The following ANGPT1 variants were observed in gnomAD, a reference collection of about 807,000 sequenced individuals.
ANGPT1 encodes angiopoietin-1.
ANGPT1 carries 17 observed loss-of-function variants against 62.2 expected under a neutral mutation model. The ratio of observed to expected loss-of-function variants is 0.27; its 90% CI spans 0.19 to 0.41. ANGPT1 has a LOEUF of 0.41. ANGPT1 is among the 10% of genes least tolerant of loss of function. The probability of loss-of-function intolerance (pLI) is 1.00; values close to 1 mark genes in which losing one functional copy is unlikely to be tolerated. For missense variants in ANGPT1, 478 were observed against 594.9 expected, an observed-to-expected ratio of 0.80 and a Z score of 2.04; for synonymous variants, 199 against 198.9, an observed-to-expected ratio of 1.00 and a Z score of 0.00.
intron 7 of ANGPT1, among the ~76,000 whole-genome samples, chr8:107,274,564 A>G (rs1289470546): frequency 2.0e-5 from 3 of 152,160 alleles, no homozygotes; most frequent in Non-Finnish European, 4.4e-5. Flanking sequence ...CTAGAGTTTA[A>G]TAGTTCTAGA....
intron 1 of ANGPT1, among the ~76,000 whole-genome samples, chr8:107,420,606 T>G (rs1586307695): frequency 6.6e-6 from 1 of 152,124 alleles, no homozygotes; most frequent in East Asian, 1.9e-4. Flanking sequence ...AGGTCTCATA[T>G]CCTCTCATAT....
chr8:107,274,468 T>A lies in ANGPT1; in HGVS notation c.1206-10117A>T, dbSNP rs1261867263. Among the ~76,000 whole-genome samples, 4 of 152,128 alleles carry A rather than the reference T, an allele frequency of 2.6e-5. No homozygotes were observed. The East Asian group carries it at 7.7e-4, about 29-fold the overall frequency. ...GTATGCTGTGGGACAATTTTATTAA[T>A]TTTTTTATTTACTTGCCAACAAGCA... On this transcript the variant is annotated intron_variant, in intron 7 of 8. Transcript: ENST00000517746.
rs750634420 is a variant in ANGPT1 at position 107,257,870 on chromosome 8, G to GTTTTT, written c.1337-5860_1337-5856dup. 1.1e-3 allele frequency among the ~76,000 whole-genome samples: 48 copies of GTTTTT among 45,188 alleles called. 2 individuals are homozygous for GTTTTT. Among genetic ancestry groups the GTTTTT allele is most frequent in the Admixed American group, 1.3e-3 (5 of 3,944 alleles). 29.6% of individuals were successfully genotyped at this position (45,188 alleles called of 152,430 possible). On this transcript the variant is annotated intron_variant, in intron 8 of 8. Coordinates refer to ENST00000517746, the MANE Select transcript of ANGPT1 (RefSeq NM_001146.5). ...TATATCCTCTTCAGGCCAAGGACTTGTTTTTGTTTCTTTTTTGTTTGTTTG... is the reference window on the plus strand; with the variant it reads ...TATATCCTCTTCAGGCCAAGGACTTGTTTTTTTTTTGTTTCTTTTTTGTTTGTTTG...
At chr8:107,415,475 G>A (rs539246292) in intron 1 of ANGPT1, among the ~76,000 whole-genome samples, 1 of 152,228 alleles carries the variant, frequency 6.6e-6, no homozygotes, top group East Asian at 1.9e-4. Flanking sequence ...CAAACCAAGT[G>A]TGTGAGTTTA....
intron 1 of ANGPT1, among the ~76,000 whole-genome samples, chr8:107,348,356 G>A (rs1015310636): frequency 6.6e-6 from 1 of 151,938 alleles, no homozygotes; most frequent in Non-Finnish European, 1.5e-5. Context: ...GTAAAGCTTT[G>A]GCAGCTCACT....
intron 1 of ANGPT1, among the ~76,000 whole-genome samples, chr8:107,396,182 C>A (rs1192855349): frequency 6.6e-6 from 1 of 152,118 alleles, no homozygotes; most frequent in East Asian, 1.9e-4. Flanking sequence ...ACTTTGGTAA[C>A]ATGACAAGAA....
At position 107,431,251 on chromosome 8, in the gene ANGPT1, TA is replaced by T. The variant is rs60103657; in HGVS notation, c.297+66010del. On this transcript the variant is annotated intron_variant, in intron 1 of 8. Coordinates refer to ENST00000517746, the MANE Select transcript of ANGPT1 (RefSeq NM_001146.5). Reference sequence around the variant, plus strand: ...GGTTTATAATTAGAAAATGTAAGCATAAAAAAAATTGACTGTGTCTAATAAA... The same window carrying T: ...GGTTTATAATTAGAAAATGTAAGCATAAAAAAATTGACTGTGTCTAATAAA... Among the ~76,000 whole-genome samples the T allele has an allele frequency of 2.8e-3, 420 of 152,160 alleles. 3 individuals carry two copies. Among genetic ancestry groups the T allele is most frequent in the African/African-American group, 9.6e-3 (397 of 41,530 alleles).
chr8:107,345,264 A>G (rs1364824744), intron 2 of ANGPT1, among the ~76,000 whole-genome samples: 1 of 152,184 alleles, frequency 6.6e-6, no homozygotes, highest in Non-Finnish European at 1.5e-5. Context: ...GCTGCTTCGT[A>G]TAAGGAGTAG....
intron 1 of ANGPT1, among the ~76,000 whole-genome samples, chr8:107,366,985 A>C (rs1249686938): frequency 6.6e-6 from 1 of 152,100 alleles, no homozygotes; most frequent in Non-Finnish European, 1.5e-5. Context: ...GAGGCCTTCC[A>C]ACAACAACGG....
At chr8:107,311,254 G>A (rs1814855427) in intron 4 of ANGPT1, among the ~76,000 whole-genome samples, 1 of 148,438 alleles carries the variant, frequency 6.7e-6, no homozygotes, top group Non-Finnish European at 1.5e-5. Flanking sequence ...AATATAAAGG[G>A]GGCATGCTAT....
chr8:107,358,865 C>A (rs1038279549), intron 1 of ANGPT1, among the ~76,000 whole-genome samples: 2 of 152,154 alleles, frequency 1.3e-5, no homozygotes, highest in African/African-American at 4.8e-5. Context: ...AGACATCACA[C>A]TTTGACATAT....
chr8:107,405,486 C>T (rs1817131679), intron 1 of ANGPT1, among the ~76,000 whole-genome samples: 1 of 151,936 alleles, frequency 6.6e-6, no homozygotes, highest in African/African-American at 2.4e-5. Flanking sequence ...TGACAAATCA[C>T]AGCCAAAATG....
chr8:107,369,421 C>A (rs138615122), intron 1 of ANGPT1, among the ~76,000 whole-genome samples: 1 of 152,156 alleles, frequency 6.6e-6, no homozygotes, highest in African/African-American at 2.4e-5. Context: ...TAGTAATAAG[C>A]CTATTTTGTT....
intron 1 of ANGPT1, among the ~76,000 whole-genome samples, chr8:107,369,821 A>G (rs531768555): frequency 6.6e-6 from 1 of 152,238 alleles, no homozygotes; most frequent in East Asian, 1.9e-4. Flanking sequence ...ATGGCACTCC[A>G]AAACGGTTAC....
chr8:107,461,496 G>A lies in ANGPT1; in HGVS notation c.297+35766C>T, dbSNP rs555592664. Among the ~76,000 whole-genome samples the A allele has an allele frequency of 7.9e-5, 12 of 152,166 alleles. No individual in the cohort carries two copies. In the South Asian group the frequency reaches 2.3e-3, roughly 29 times the overall value. ...ACAACCAAAGTGGTAAGAAATGATAGCATCATAGTTTAATTGGCAGTATTT... is the reference window on the plus strand; with the variant it reads ...ACAACCAAAGTGGTAAGAAATGATAACATCATAGTTTAATTGGCAGTATTT... On this transcript the variant is annotated intron_variant, in intron 1 of 8. Transcript: ENST00000517746.
At chr8:107,457,847 CACACACACACACACACACA>C (rs1478877289) in intron 1 of ANGPT1, among the ~76,000 whole-genome samples, 8 of 149,854 alleles carry the variant, frequency 5.3e-5, no homozygotes, top group African/African-American at 2.0e-4. Flanking sequence ...CACACACACA[CACACACACACACACACACA>C]CCAAGAGGGG....
chr8:107,278,411 ATTTAAGTTT>A (rs1401386189), intron 7 of ANGPT1, among the ~76,000 whole-genome samples: 1 of 152,148 alleles, frequency 6.6e-6, no homozygotes, highest in Non-Finnish European at 1.5e-5. Context: ...TTAGCATGAT[ATTTAAGTTT>A]ACCAAATACA....
chr8:107,314,031 C>T (rs551317355), intron 4 of ANGPT1, among the ~76,000 whole-genome samples: 5 of 152,232 alleles, frequency 3.3e-5, no homozygotes, highest in South Asian at 2.1e-4. Context: ...ATATCTTATC[C>T]GTGACTAATG....
chr8:107,280,170 A>C (rs549358930), intron 7 of ANGPT1, among the ~76,000 whole-genome samples: 38 of 152,058 alleles, frequency 2.5e-4, no homozygotes, highest in African/African-American at 7.0e-4. Context: ...TCTTGCAAGA[A>C]GTAATCTTGG....
Sources: gnomAD v4.1 joint callset for allele counts (sites outside exome capture counted in the v4.1 genomes callset) on GRCh38, gnomAD v4.1.1 for gene constraint, MANE v1.5 for transcripts, NCBI Gene and HGNC (gene_info 2026-07-23, HGNC 2026-07-21) for gene names.